CACNA1I: variants seen among roughly 807,000 people sequenced by gnomAD.
The protein encoded by CACNA1I is voltage-dependent T-type calcium channel subunit alpha-1I.
Under a neutral mutation model 201.6 loss-of-function variants are expected in CACNA1I, and 74 were observed. The ratio of observed to expected loss-of-function variants is 0.37; its 90% CI spans 0.30 to 0.45. The LOEUF (loss-of-function observed/expected upper bound fraction) is 0.45, where lower values mean the gene tolerates loss of function less well. CACNA1I is among the 20% of genes least tolerant of loss of function. The pLI is 1.00. For missense variants in CACNA1I, 2,346 were observed against 3,138.1 expected, an observed-to-expected ratio of 0.75 and a Z score of 6.03; for synonymous variants, 1,431 against 1,345.2, an observed-to-expected ratio of 1.06 and a Z score of -1.40.
intron 1 of CACNA1I, among the ~76,000 whole-genome samples, chr22:39,574,833 G>A (rs1932293493): frequency 6.6e-6 from 1 of 152,220 alleles, no homozygotes. Context: ...GCCCGGGAAG[G>A]GGAGGGCAGC....
chr22:39,673,488 T>G (rs11704439), intron 28 of CACNA1I, among the ~76,000 whole-genome samples: 64,689 of 151,858 alleles, frequency 0.43, 15,624 homozygotes, highest in East Asian at 0.96. Context: ...TCAGAGATCC[T>G]TCTCCCTCCC....
intron 4 of CACNA1I, among the ~76,000 whole-genome samples, chr22:39,632,002 G>A (rs1043031930): frequency 6.6e-6 from 1 of 152,122 alleles, no homozygotes; most frequent in African/African-American, 2.4e-5. Flanking sequence ...GGGCCCAGCT[G>A]GGCAGAGTGA....
intron 4 of CACNA1I, among the ~76,000 whole-genome samples, chr22:39,621,350 C>T (rs906113747): frequency 2.8e-5 from 3 of 105,392 alleles, no homozygotes; most frequent in Middle Eastern, 4.5e-3. Flanking sequence ...GTGCTGTCCC[C>T]ATTCCTTTAT....
rs1430302349 is a variant in CACNA1I, at chr22:39,661,245, G to A, written c.2836G>A (p.Ala946Thr). 1 of 1,610,768 alleles carries A rather than the reference G, an allele frequency of 6.2e-7. No individual in the cohort carries two copies. Among genetic ancestry groups the A allele is most frequent in the Non-Finnish European group, 8.5e-7 (1 of 1,178,648 alleles). The change falls in exon 16 of 37, where the codon GCC becomes ACC. Residue 946 changes from alanine (A) to threonine (T), a missense_variant. By Grantham distance (58) the Ala-to-Thr change is moderately conservative (BLOSUM62 0). This residue lies in a region of CACNA1I where 92 missense variants were observed against 114.5 expected (regional missense o/e 0.80). Coordinates refer to ENST00000402142, the MANE Select transcript of CACNA1I (RefSeq NM_021096.4). ...ACTGCAGCCGGACCCCATGCTGGTG[G>A]CCCTGGGCTCCCGAAAGAGCAGTGT... Reference protein sequence around the residue: ...LSLQPDPMLVALGSRKSSVMS... With the variant: ...LSLQPDPMLVTLGSRKSSVMS...
chr22:39,658,967 G>T lies in CACNA1I; in HGVS notation c.2181G>T (p.Leu727=), dbSNP rs377565636. The T allele has an allele frequency of 6.2e-7, 1 of 1,605,304 alleles. No homozygotes were observed. Among genetic ancestry groups the T allele is most frequent in the Non-Finnish European group, 8.5e-7 (1 of 1,177,522 alleles). The change falls in exon 12 of 37, where the codon CTG becomes CTT. Residue 727 remains leucine, a synonymous_variant. Transcript: ENST00000402142. ...TTGTGGGGCAGGCGGACGGTGGGCT[G>T]TCGGTGCTGCGGACCTTCCGGCTGC... ...WEIVGQADGG[L]SVLRTFRLLR...
In CACNA1I at chr22:39,685,570, A is replaced by G. The variant is rs1280302548; in HGVS notation, c.6028-191A>G. Among the ~76,000 whole-genome samples, 1 of 150,034 alleles carries G rather than the reference A, an allele frequency of 6.7e-6. No individual in the cohort carries two copies. Among genetic ancestry groups the G allele is most frequent in the Admixed American group, 6.6e-5 (1 of 15,172 alleles). On this transcript the variant is annotated intron_variant, in intron 36 of 36. Coordinates refer to ENST00000402142, the MANE Select transcript of CACNA1I (RefSeq NM_021096.4). This position sits in a 1 kb window ranked among gnomAD's most constrained non-coding sequence, Gnocchi z 5.0. ...GGCGGATGCTAGCTCCTCTCGGGGG[A>G]CCTCTCGGGGCAGGTGAAGGCCCTG...
At chr22:39,626,138 A>G (rs567255925) in intron 4 of CACNA1I, among the ~76,000 whole-genome samples, 1 of 152,350 alleles carries the variant, frequency 6.6e-6, no homozygotes, top group South Asian at 2.1e-4. Flanking sequence ...CTGTGCTGTC[A>G]GGCCAGGTTC....
chr22:39,623,958 A>G (rs886957869), intron 4 of CACNA1I, among the ~76,000 whole-genome samples: 11 of 130,852 alleles, frequency 8.4e-5, no homozygotes, highest in African/African-American at 3.3e-4. Context: ...GGTGTGTGTG[A>G]AAGGGTGTGT....
rs1935872739 is a variant in CACNA1I at position 39,686,260 on chromosome 22, G to A, written c.6527G>A (p.Arg2176Gln). 3 of 1,287,612 alleles carry A rather than the reference G, an allele frequency of 2.3e-6. No individual in the cohort carries two copies. The highest frequency in any genetic ancestry group is 3.0e-6 in the Non-Finnish European group (3 of 1,016,598). The allele number at this position is 1,287,612 out of a possible 1,614,324, so 79.8% of individuals were successfully genotyped here. A position where few individuals can be genotyped will look rare whatever the true frequency, so the allele number is the denominator to read the frequency against. The change falls in exon 37 of 37, where the codon CGG (arginine) becomes CAG (glutamine). Residue 2176 changes from arginine to glutamine, a missense_variant. Physicochemically the swap from Arg to Gln is conservative, Grantham distance 43. Coordinates refer to ENST00000402142, the MANE Select transcript of CACNA1I (RefSeq NM_021096.4). ...HAAALAHGLA[R>Q]SPSWAADRSK... ...GCCGCCCTGGCCCACGGCCTGGCCC[G>A]GAGCCCCTCGTGGGCCGCGGACCGC...
intron 3 of CACNA1I, among the ~76,000 whole-genome samples, chr22:39,615,159 G>C (rs909931256): frequency 2.0e-5 from 3 of 152,180 alleles, no homozygotes; most frequent in Admixed American, 1.3e-4. Flanking sequence ...AGAGGAGAAG[G>C]GGAGGGAGAT....
At chr22:39,634,472 C>A (rs5757756) in intron 4 of CACNA1I, 93 bp from the exon 5 acceptor site, 446,501 of 1,208,472 alleles carry the variant, frequency 0.37, 91,480 homozygotes, top group East Asian at 0.9. Flanking sequence ...GCATCCCCCT[C>A]CCCCTCCCTG....
At chr22:39,642,724 C>T (rs1346600884) in intron 6 of CACNA1I, 73 bp from the exon 7 acceptor site, 1 of 1,009,612 alleles carries the variant, frequency 9.9e-7, no homozygotes, top group Non-Finnish European at 1.5e-6. Flanking sequence ...GGGCCTCTGT[C>T]TGGGGCACTG....
intron 1 of CACNA1I, among the ~76,000 whole-genome samples, chr22:39,595,484 G>A (rs1428584724): frequency 1.3e-5 from 2 of 151,978 alleles, no homozygotes; most frequent in Admixed American, 6.6e-5. Context: ...AATTAGCCGG[G>A]CATAGTGGCA....
At chr22:39,620,261 ATCCATCCATCCATC>A (rs1601467227) in intron 4 of CACNA1I, among the ~76,000 whole-genome samples, 3 of 136,258 alleles carry the variant, frequency 2.2e-5, no homozygotes, top group East Asian at 3.4e-4. Flanking sequence ...CCATCCATCC[ATCCATCCATCCATC>A]CATACGTACA....
intron 28 of CACNA1I, 44 bp downstream of exon 28, chr22:39,673,126 CG>C (rs745507421): frequency 3.5e-6 from 4 of 1,127,896 alleles, no homozygotes; most frequent in Non-Finnish European, 4.7e-6. Context: ...CAAGCAGGGG[CG>C]GGATGAGACT....
chr22:39,613,732 A>C (rs1231428365), intron 3 of CACNA1I, among the ~76,000 whole-genome samples: 1 of 152,120 alleles, frequency 6.6e-6, no homozygotes, highest in Admixed American at 6.5e-5. Context: ...CCCGAGCCGG[A>C]GGCGCTGGCC....
intron 3 of CACNA1I, among the ~76,000 whole-genome samples, chr22:39,610,704 C>A (rs536051876): frequency 1.3e-5 from 2 of 152,286 alleles, no homozygotes; most frequent in African/African-American, 4.8e-5. Flanking sequence ...GCTCTAGAAT[C>A]CTGAAAGATG....
intron 18 of CACNA1I, 139 bp from the exon 19 acceptor site, chr22:39,663,579 G>C (rs965822387): frequency 8.1e-6 from 8 of 982,970 alleles, no homozygotes; most frequent in Non-Finnish European, 1.2e-5. Flanking sequence ...GTGTAGAGTC[G>C]GCACCTGGCC....
chr22:39,655,771 C>T (rs1005442758), intron 10 of CACNA1I, among the ~76,000 whole-genome samples: 12 of 152,084 alleles, frequency 7.9e-5, no homozygotes, highest in African/African-American at 2.7e-4. Flanking sequence ...GTCTCTGTCC[C>T]GGAGAAATGC....
Sources: allele counts gnomAD v4.1 joint callset (sites outside exome capture counted in the v4.1 genomes callset), GRCh38; gene constraint gnomAD v4.1.1; regional missense constraint gnomAD v4.1.1; non-coding constraint Gnocchi (gnomAD v3.1); transcripts MANE v1.5; gene names NCBI Gene and HGNC (gene_info 2026-07-23, HGNC 2026-07-21).